STXBP5: variants seen among roughly 807,000 people sequenced by gnomAD.
STXBP5 encodes syntaxin binding protein 5.
STXBP5 carries 50 observed loss-of-function variants against 152.4 expected under a neutral mutation model. The ratio of observed to expected loss-of-function variants is 0.33; its 90% CI spans 0.26 to 0.42. The LOEUF (loss-of-function observed/expected upper bound fraction) is 0.42. Ranked by LOEUF, STXBP5 falls within the 10% of genes least tolerant of loss-of-function variation. STXBP5 has a pLI of 1.00. For synonymous variants in STXBP5, 492 were observed against 494.7 expected, an observed-to-expected ratio of 0.99 and a Z score of 0.07; for missense variants, 1,167 against 1,388.6, an observed-to-expected ratio of 0.84 and a Z score of 2.54.
intron 8 of STXBP5, among the ~76,000 whole-genome samples, chr6:147,285,882 A>G (rs1780936087): frequency 6.6e-6 from 1 of 152,222 alleles, no homozygotes; most frequent in African/African-American, 2.4e-5. Context: ...TTCACTTCAT[A>G]AAACAAAATC....
intron 17 of STXBP5, among the ~76,000 whole-genome samples, chr6:147,326,219 A>T (rs1446695001): frequency 1.3e-5 from 2 of 152,098 alleles, no homozygotes; most frequent in East Asian, 3.9e-4. Flanking sequence ...TCTTCTTTTA[A>T]ATATTTATTT....
At chr6:147,266,865 T>C (rs559129167) in intron 6 of STXBP5, among the ~76,000 whole-genome samples, 1 of 152,290 alleles carries the variant, frequency 6.6e-6, no homozygotes, top group South Asian at 2.1e-4. Context: ...CAAAAGTCAG[T>C]TGTATGTTGA....
intron 21 of STXBP5, among the ~76,000 whole-genome samples, chr6:147,340,032 G>A (rs1017959841): frequency 9.9e-5 from 15 of 151,964 alleles, no homozygotes; most frequent in African/African-American, 3.4e-4. Flanking sequence ...TCAAGGTCAC[G>A]AAAGTTCAGA....
At chr6:147,217,695 A>G (rs1027967460) in intron 2 of STXBP5, among the ~76,000 whole-genome samples, 5 of 152,192 alleles carry the variant, frequency 3.3e-5, no homozygotes, top group African/African-American at 1.2e-4. Flanking sequence ...AACCCAGTGA[A>G]TACTATAATT....
intron 9 of STXBP5, chr6:147,292,825 A>T (rs1056716849): frequency 6.6e-6 from 1 of 152,120 alleles, no homozygotes; most frequent in Non-Finnish European, 1.5e-5. Flanking sequence ...ACTCCTAAAT[A>T]ATGTTAATAT....
chr6:147,280,300 G>A (rs73788902), intron 8 of STXBP5, among the ~76,000 whole-genome samples: 5,070 of 152,124 alleles, frequency 0.033, 286 homozygotes, highest in African/African-American at 0.12. Flanking sequence ...TAGGTTGCAC[G>A]TTTTTGGCAG....
intron 7 of STXBP5, among the ~76,000 whole-genome samples, chr6:147,269,398 G>T (rs1780046472): frequency 6.6e-6 from 1 of 152,008 alleles, no homozygotes; most frequent in Admixed American, 6.6e-5. Context: ...TACATCCTAG[G>T]AAAAACACCC....
chr6:147,319,998 T>A (rs1173856757), intron 16 of STXBP5, among the ~76,000 whole-genome samples: 1 of 151,732 alleles, frequency 6.6e-6, no homozygotes, highest in Non-Finnish European at 1.5e-5. Context: ...CACACCACCT[T>A]GCCCAGCTAA....
chr6:147,285,097 G>A (rs894585519), intron 8 of STXBP5, among the ~76,000 whole-genome samples: 8 of 152,196 alleles, frequency 5.3e-5, no homozygotes, highest in East Asian at 1.9e-4. Flanking sequence ...TGAGGGGTGG[G>A]GAAATAGGCC....
intron 19 of STXBP5, among the ~76,000 whole-genome samples, chr6:147,336,689 T>C (rs555755787): frequency 4.3e-4 from 66 of 152,222 alleles, no homozygotes; most frequent in African/African-American, 1.5e-3. Flanking sequence ...ATATAGCTAA[T>C]ATAAAATAAG....
At position 147,387,894 on chromosome 6, in the gene STXBP5, G is replaced by T. The variant is rs1234743655; in HGVS notation, c.*3139G>T. ...GTCTGAAAGTGTTACATACTTTTAG[G>T]TTACAGGGGTGCTGGGGAGACAGCT... On this transcript the variant is annotated 3_prime_UTR_variant, in exon 28 of 28. Transcript: ENST00000321680. 1.3e-5 allele frequency: 2 copies of T among 151,614 alleles called. No homozygotes were observed. The highest frequency in any genetic ancestry group is 2.4e-5 in the African/African-American group (1 of 41,364). The allele number at this position is 151,614 out of a possible 1,614,324, so 9.4% of individuals were successfully genotyped here.
chr6:147,365,468 T>C (rs528479260), intron 25 of STXBP5, among the ~76,000 whole-genome samples: 46 of 152,322 alleles, frequency 3.0e-4, no homozygotes, highest in African/African-American at 1.1e-3. Flanking sequence ...ACTTCACACT[T>C]TTCTGGGATC....
At chr6:147,225,963 T>A (rs1777689460) in intron 2 of STXBP5, among the ~76,000 whole-genome samples, 1 of 152,194 alleles carries the variant, frequency 6.6e-6, no homozygotes. Context: ...AGAACGTTTT[T>A]CCACTGTTGT....
At chr6:147,377,964 G>A (rs1409985545) in intron 26 of STXBP5, among the ~76,000 whole-genome samples, 1 of 152,092 alleles carries the variant, frequency 6.6e-6, no homozygotes, top group Non-Finnish European at 1.5e-5. Flanking sequence ...ATAAGAGAAT[G>A]TAATCTATAA....
At chr6:147,348,142 A>G (rs377435972) in intron 21 of STXBP5, among the ~76,000 whole-genome samples, 1 of 152,204 alleles carries the variant, frequency 6.6e-6, no homozygotes, top group Non-Finnish European at 1.5e-5. Context: ...AAAGAAAAAC[A>G]TGGACATTCA....
At position 147,387,356 on chromosome 6, in the gene STXBP5, G is replaced by A. The variant is rs1274191912; in HGVS notation, c.*2601G>A. 6.6e-6 allele frequency: 1 copy of A among 151,372 alleles called. No individual in the cohort carries two copies. The highest frequency in any genetic ancestry group is 1.5e-5 in the Non-Finnish European group (1 of 67,600). 9.4% of individuals were successfully genotyped at this position (151,372 alleles called of 1,614,324 possible). A position where few individuals can be genotyped will look rare whatever the true frequency, so the allele number is the denominator to read the frequency against. On this transcript the variant is annotated 3_prime_UTR_variant, in exon 28 of 28. Transcript: ENST00000321680. ...AATAGAAAATATCAGAAAAATGAAA[G>A]ATTTTTGTGTGCCCTCTCCATATCC...
intron 4 of STXBP5, among the ~76,000 whole-genome samples, chr6:147,260,197 C>A (rs1198774328): frequency 1.3e-5 from 2 of 151,970 alleles, no homozygotes; most frequent in Non-Finnish European, 2.9e-5. Context: ...GTGCATTTTG[C>A]CTGGAAGGAG....
At chr6:147,327,474 G>A (rs945688198) in intron 18 of STXBP5, among the ~76,000 whole-genome samples, 198 bp downstream of exon 18, 2 of 151,682 alleles carry the variant, frequency 1.3e-5, no homozygotes, top group Non-Finnish European at 2.9e-5. Flanking sequence ...TTTGAGACAG[G>A]GTCTCACTCT....
intron 25 of STXBP5, among the ~76,000 whole-genome samples, chr6:147,367,624 C>T (rs1030362325): frequency 2.0e-5 from 3 of 151,720 alleles, no homozygotes; most frequent in Non-Finnish European, 4.4e-5. Context: ...GGTGACAAAG[C>T]GAGATTCTGT....
Sources: allele counts gnomAD v4.1 joint callset (sites outside exome capture counted in the v4.1 genomes callset), GRCh38; gene constraint gnomAD v4.1.1; transcripts MANE v1.5; gene names NCBI Gene and HGNC (gene_info 2026-07-23, HGNC 2026-07-21).